NLRP3: variants seen among roughly 807,000 people sequenced by gnomAD.
NLRP3 encodes the protein NLR family pyrin domain containing 3.
A neutral mutation model predicts 91.3 loss-of-function variants in NLRP3; 48 were observed. That is an observed-to-expected ratio of 0.53 (90% confidence interval 0.42 to 0.67). The LOEUF is 0.67. Among genes scored for constraint, NLRP3 ranks in the 30% least tolerant of loss-of-function variants. The probability of loss-of-function intolerance (pLI) is 0.00; values close to 1 mark genes in which losing one functional copy is unlikely to be tolerated. For synonymous variants in NLRP3, 561 were observed against 507.9 expected, an observed-to-expected ratio of 1.10 and a Z score of -1.41; for missense variants, 982 against 1,276.9, an observed-to-expected ratio of 0.77 and a Z score of 3.52.
chr1:247,418,359 T>C lies in NLRP3; in HGVS notation c.-442T>C, dbSNP rs1466491213. On this transcript the variant is annotated 5_prime_UTR_variant, in exon 2 of 10. Transcript: ENST00000336119. ...CTGTGTCGCCTAGGCTGGAGTGCAG[T>C]GGCGTGATCTTGGCTCACTGCAGCC... 7.6e-6 allele frequency: 2 copies of C among 261,664 alleles called. No individual in the cohort carries two copies. The highest frequency in any genetic ancestry group is 5.1e-5 in the Admixed American group (1 of 19,532). 16.2% of individuals were successfully genotyped at this position (261,664 alleles called of 1,614,324 possible).
intron 7 of NLRP3, among the ~76,000 whole-genome samples, chr1:247,442,950 C>T (rs1294684299): frequency 6.6e-6 from 1 of 152,110 alleles, no homozygotes; most frequent in Non-Finnish European, 1.5e-5. Flanking sequence ...ATTTTTGAGA[C>T]AGAGTCTCAC....
In NLRP3 at chr1:247,418,823, T is replaced by C; in HGVS notation, c.23T>C (p.Leu8Pro). 6.2e-7 allele frequency: 1 copy of C among 1,614,048 alleles called. No homozygotes were observed. The highest frequency in any genetic ancestry group is 8.5e-7 in the Non-Finnish European group (1 of 1,180,026). The stretch of plus-strand genomic sequence containing the variant: ...AAGATGGCAAGCACCCGCTGCAAGC[T>C]GGCCAGGTACCTGGAGGACCTGGAG... The part of the protein sequence containing the change: MASTRCK[L>P]ARYLEDLEDV... Residue 8 changes from leucine (L) to proline (P), a missense_variant, in exon 2 of 10, where the codon CTG becomes CCG. Around this residue, in one of 5 missense-constraint regions of NLRP3, gnomAD observed 548 missense variants for 713.7 expected, o/e 0.77. Transcript: ENST00000336119.
In NLRP3 at chr1:247,434,199, C is replaced by A; in HGVS notation, c.2418C>A (p.Asn806Lys). 5 of 1,614,242 alleles carry A rather than the reference C, an allele frequency of 3.1e-6. No homozygotes were observed. The highest frequency in any genetic ancestry group is 4.2e-6 in the Non-Finnish European group (5 of 1,180,038). Residue 806 changes from asparagine to lysine, a missense_variant, in exon 6 of 10, where the codon AAC (asparagine) becomes AAA (lysine). Transcript: ENST00000336119. ...QKLVELDLSD[N>K]ALGDFGIRLL... ...TGGTGGAGCTGGACCTGAGTGACAA[C>A]GCCCTCGGTGACTTCGGAATCAGAC...
At position 247,425,889 on chromosome 1, in the gene NLRP3, C is replaced by T. The variant is rs1160073069; in HGVS notation, c.2150+290C>T. 1.2e-5 allele frequency: 5 copies of T among 433,348 alleles called. No homozygotes were observed. Among genetic ancestry groups the T allele is most frequent in the Non-Finnish European group, 1.7e-5 (4 of 233,670 alleles). 26.8% of individuals were successfully genotyped at this position (433,348 alleles called of 1,614,324 possible). On this transcript the variant is annotated intron_variant, in intron 4 of 9. Coordinates refer to ENST00000336119, the MANE Select transcript of NLRP3 (RefSeq NM_001243133.2). The surrounding 1 kb of genome is among the most constrained non-coding windows in gnomAD (Gnocchi z 4.1). ...AGGATTGCCTACAAATATTTGTCAACTGAAATTTCTTGTAAGCTACTTGGA... is the reference window on the plus strand; with the variant it reads ...AGGATTGCCTACAAATATTTGTCAATTGAAATTTCTTGTAAGCTACTTGGA...
At chr1:247,441,658 T>G (rs1056896236) in intron 7 of NLRP3, among the ~76,000 whole-genome samples, 1 of 106,358 alleles carries the variant, frequency 9.4e-6, no homozygotes, top group Non-Finnish European at 2.0e-5. Flanking sequence ...TTAGGTGGAT[T>G]GGTTGAAATC....
At chr1:247,419,351 C>T (rs2103086533) in intron 2 of NLRP3, among the ~76,000 whole-genome samples, 1 of 152,110 alleles carries the variant, frequency 6.6e-6, no homozygotes, top group East Asian at 1.9e-4. Flanking sequence ...GATGGGGTTT[C>T]TCCATGTTGG....
chr1:247,440,680 A>G (rs1302743074), intron 7 of NLRP3, among the ~76,000 whole-genome samples: 1 of 152,140 alleles, frequency 6.6e-6, no homozygotes, highest in East Asian at 1.9e-4. Flanking sequence ...TACCACCCAG[A>G]GTGCCTGATC....
chr1:247,443,560 TAAAA>T (rs75792988), intron 7 of NLRP3, among the ~76,000 whole-genome samples: 4,187 of 123,054 alleles, frequency 0.034, 180 homozygotes, highest in African/African-American at 0.11. Context: ...CTGTCTCTCT[TAAAA>T]AAAAAAAAAA....
chr1:247,446,199 G>T (rs1308996005), intron 9 of NLRP3, among the ~76,000 whole-genome samples: 1 of 152,126 alleles, frequency 6.6e-6, no homozygotes, highest in East Asian at 1.9e-4. Context: ...GCCACTCCCT[G>T]ACCACTTCAG....
intron 1 of NLRP3, among the ~76,000 whole-genome samples, chr1:247,417,351 G>T (rs1165166827): frequency 1.3e-5 from 2 of 152,222 alleles, no homozygotes; most frequent in Non-Finnish European, 1.5e-5. Context: ...CTCTGTGCAG[G>T]TTAGATGGGG....
intron 9 of NLRP3, 104 bp from the exon 10 acceptor site, chr1:247,448,301 A>C: frequency 5.0e-6 from 3 of 594,186 alleles, no homozygotes; most frequent in South Asian, 4.4e-5. Flanking sequence ...ACATTTTAGA[A>C]GTGTGTGGAG....
chr1:247,443,685 A>G (rs1157585816), intron 7 of NLRP3, among the ~76,000 whole-genome samples: 1 of 151,986 alleles, frequency 6.6e-6, no homozygotes, highest in East Asian at 1.9e-4. Context: ...TGGCCGGAGG[A>G]AAGCTGTGTG....
Position 247,418,965 on chromosome 1 carries a change from A to G in NLRP3, c.165A>G (p.Leu55=). ...EKADHVDLAT[L]MIDFNGEEKA... is the part of the protein sequence containing the mutation. ...CAGACCATGTGGATCTAGCCACGCT[A>G]ATGATCGACTTCAATGGGGAGGAGA... Residue 55 remains leucine, a synonymous_variant, in exon 2 of 10, where the codon CTA becomes CTG. Coordinates refer to ENST00000336119, the MANE Select transcript of NLRP3 (RefSeq NM_001243133.2). The G allele has an allele frequency of 6.2e-7, 1 of 1,614,128 alleles. No individual in the cohort carries two copies. Among genetic ancestry groups the G allele is most frequent in the Non-Finnish European group, 8.5e-7 (1 of 1,180,008 alleles).
chr1:247,417,485 CTATTT>C (rs1662138937), intron 1 of NLRP3, among the ~76,000 whole-genome samples: 1 of 151,956 alleles, frequency 6.6e-6, no homozygotes, highest in Non-Finnish European at 1.5e-5. Flanking sequence ...TTATTTTATT[CTATTT>C]TATTTTTTGA....
chr1:247,425,778 G>T lies in NLRP3; in HGVS notation c.2150+179G>T. The T allele has an allele frequency of 1.6e-6, 1 of 632,382 alleles. No individual in the cohort carries two copies. The highest frequency in any genetic ancestry group is 1.9e-5 in the South Asian group (1 of 53,206). The allele number at this position is 632,382 out of a possible 1,614,324, so 39.2% of individuals were successfully genotyped here. A position where few individuals can be genotyped will look rare whatever the true frequency, so the allele number is the denominator to read the frequency against. ...AGCAAAGATTGATGTATGGTAGGTG[G>T]ATAAATGGGATGAGGAAAAAAAAAA... On this transcript the variant is annotated intron_variant, in intron 4 of 9. Transcript: ENST00000336119. The surrounding 1 kb of genome is among the most constrained non-coding windows in gnomAD (Gnocchi z 4.1).
chr1:247,416,175 T>G lies in NLRP3; in HGVS notation c.-767T>G, dbSNP rs562040758. The G allele has an allele frequency of 1.2e-4, 18 of 152,624 alleles. No homozygotes were observed. The highest frequency in any genetic ancestry group is 4.1e-4 in the African/African-American group (17 of 41,584). The allele number at this position is 152,624 out of a possible 1,614,324, so 9.5% of individuals were successfully genotyped here. A position where few individuals can be genotyped will look rare whatever the true frequency, so the allele number is the denominator to read the frequency against. On this transcript the variant is annotated 5_prime_UTR_variant, in exon 1 of 10. Transcript: ENST00000336119. ...TTCATTGCATTTCCTCTCTAGCTGT[T>G]CCTGAGGCTGGCATCTGGGTAAGTC...
At chr1:247,432,060 T>A (rs1663372686) in intron 5 of NLRP3, among the ~76,000 whole-genome samples, 1 of 152,208 alleles carries the variant, frequency 6.6e-6, no homozygotes, top group South Asian at 2.1e-4. Context: ...GATTTTTGTA[T>A]TTTTAGTAGG....
intron 7 of NLRP3, among the ~76,000 whole-genome samples, chr1:247,438,443 G>C (rs1250122615): frequency 7.0e-6 from 1 of 142,088 alleles, no homozygotes; most frequent in African/African-American, 2.6e-5. Context: ...AAATGCAGTG[G>C]CGCAATCTTG....
At chr1:247,423,722 G>A (rs1044559334) in intron 3 of NLRP3, 125 bp from the exon 4 acceptor site, 2 of 864,152 alleles carry the variant, frequency 2.3e-6, no homozygotes, top group African/African-American at 3.3e-5. Flanking sequence ...ACCCAGTGGG[G>A]AGGAGCTGCA....
Sources: gnomAD v4.1 joint callset for allele counts (sites outside exome capture counted in the v4.1 genomes callset) on GRCh38, gnomAD v4.1.1 for gene constraint, gnomAD v4.1.1 regional missense constraint, Gnocchi (gnomAD v3.1) non-coding constraint, MANE v1.5 for transcripts, NCBI Gene and HGNC (gene_info 2026-07-23, HGNC 2026-07-21) for gene names.